The following TLL1 variants were observed in gnomAD, a reference collection of about 807,000 sequenced individuals.
TLL1 encodes tolloid like 1.
A neutral mutation model predicts 128.2 loss-of-function variants in TLL1; 49 were observed. The ratio of observed to expected loss-of-function variants is 0.38; its 90% CI spans 0.30 to 0.48. The LOEUF (loss-of-function observed/expected upper bound fraction) is 0.48, where lower values mean the gene tolerates loss of function less well. TLL1 is among the 20% of genes least tolerant of loss of function. The pLI is 0.96. For synonymous variants in TLL1, 454 were observed against 418.8 expected (o/e 1.08, Z -1.03); for missense variants, 1,123 against 1,242.0 (o/e 0.90, Z 1.44).
intron 3 of TLL1, 103 bp from the exon 4 acceptor site, chr4:165,994,277 CA>C: frequency 2.1e-6 from 3 of 1,402,764 alleles, no homozygotes; most frequent in Non-Finnish European, 2.0e-6. Context: ...GGCATTTATA[CA>C]AAAAATATGT....
chr4:166,010,734 T>C (rs368913530), intron 7 of TLL1, among the ~76,000 whole-genome samples: 16 of 151,380 alleles, frequency 1.1e-4, no homozygotes, highest in Admixed American at 4.6e-4. Context: ...TGCAACACCA[T>C]GAAGCTTTCC....
intron 1 of TLL1, among the ~76,000 whole-genome samples, chr4:165,978,534 T>C (rs1308306700): frequency 6.6e-6 from 1 of 152,126 alleles, no homozygotes. Flanking sequence ...CTACCACCAA[T>C]AATATGATTA....
chr4:166,057,149 G>A, intron 13 of TLL1, 35 bp from the exon 14 acceptor site: 1 of 1,611,244 alleles, frequency 6.2e-7, no homozygotes, highest in Admixed American at 1.7e-5. Context: ...ACATATATAT[G>A]TATAGTTGTT....
At chr4:166,021,711 G>A (rs186861139) in intron 8 of TLL1, among the ~76,000 whole-genome samples, 5 of 152,246 alleles carry the variant, frequency 3.3e-5, no homozygotes, top group East Asian at 1.9e-4. Context: ...GATTACAGGC[G>A]TAAGCCACCG....
chr4:165,987,419 C>T (rs1033415033), intron 1 of TLL1, among the ~76,000 whole-genome samples: 6 of 152,176 alleles, frequency 3.9e-5, no homozygotes, highest in East Asian at 1.9e-4. Context: ...TTTTCTGCTG[C>T]GTCTGTACGA....
At chr4:165,918,878 C>T (rs1207232558) in intron 1 of TLL1, among the ~76,000 whole-genome samples, 2 of 152,076 alleles carry the variant, frequency 1.3e-5, no homozygotes, top group Non-Finnish European at 2.9e-5. Flanking sequence ...AAGACCCTGG[C>T]GTAGCTCCAG....
chr4:165,908,512 G>A (rs2110866858), intron 1 of TLL1, among the ~76,000 whole-genome samples: 1 of 150,786 alleles, frequency 6.6e-6, no homozygotes, highest in East Asian at 2.0e-4. Flanking sequence ...GAGCCTGGAA[G>A]TGAAAGGCTG....
At chr4:165,965,162 A>G (rs1413931831) in intron 1 of TLL1, among the ~76,000 whole-genome samples, 2 of 152,186 alleles carry the variant, frequency 1.3e-5, no homozygotes, top group African/African-American at 4.8e-5. Flanking sequence ...GAATAATTAA[A>G]TTCTAAATAT....
At chr4:166,018,689 A>C (rs1027833797) in intron 8 of TLL1, among the ~76,000 whole-genome samples, 2 of 152,206 alleles carry the variant, frequency 1.3e-5, no homozygotes, top group Admixed American at 1.3e-4. Context: ...ATCAGCCAAC[A>C]AACATATGAA....
At chr4:165,953,263 ATTG>A (rs1057026223) in intron 1 of TLL1, among the ~76,000 whole-genome samples, 1 of 151,934 alleles carries the variant, frequency 6.6e-6, no homozygotes, top group Non-Finnish European at 1.5e-5. Context: ...TTTGGTATTT[ATTG>A]TTGTTGTTCG....
intron 9 of TLL1, chr4:166,031,081 C>T (rs2111078891): frequency 1.2e-6 from 1 of 832,666 alleles, no homozygotes; most frequent in African/African-American, 1.9e-5. Flanking sequence ...AAGAATTACT[C>T]ATAAAATGAA....
chr4:166,038,649 C>T (rs1739105584), intron 9 of TLL1, among the ~76,000 whole-genome samples: 1 of 152,150 alleles, frequency 6.6e-6, no homozygotes, highest in South Asian at 2.1e-4. Context: ...CTAGAATTGT[C>T]TCTTGAGTTA....
At chr4:166,094,052 C>A (rs978955732) in intron 19 of TLL1, among the ~76,000 whole-genome samples, 3 of 152,110 alleles carry the variant, frequency 2.0e-5, no homozygotes, top group Non-Finnish European at 4.4e-5. Flanking sequence ...TACATAGACA[C>A]AGTAATAGTC....
At chr4:166,016,924 C>T (rs1222037397) in intron 8 of TLL1, among the ~76,000 whole-genome samples, 8 of 151,544 alleles carry the variant, frequency 5.3e-5, no homozygotes, top group Admixed American at 5.3e-4. Context: ...TTTCTTCTAT[C>T]TTGGCCTTTT....
intron 1 of TLL1, among the ~76,000 whole-genome samples, chr4:165,950,083 T>C (rs1734436613): frequency 6.6e-6 from 1 of 152,020 alleles, no homozygotes; most frequent in Non-Finnish European, 1.5e-5. Flanking sequence ...GGAAAAAATA[T>C]ACCACACAAA....
At chr4:165,975,980 G>T (rs1735859114) in intron 1 of TLL1, among the ~76,000 whole-genome samples, 1 of 124,560 alleles carries the variant, frequency 8.0e-6, no homozygotes, top group African/African-American at 3.0e-5. Flanking sequence ...AGAGGTTGCA[G>T]TAAGCTCAGA....
intron 4 of TLL1, among the ~76,000 whole-genome samples, 191 bp from the exon 5 acceptor site, chr4:165,994,870 T>C (rs1429559966): frequency 2.6e-5 from 4 of 152,184 alleles, no homozygotes; most frequent in Admixed American, 6.5e-5. Flanking sequence ...TAGTGAGCTT[T>C]AGCCCTCTGA....
chr4:165,963,388 A>G (rs981179656), intron 1 of TLL1, among the ~76,000 whole-genome samples: 25 of 152,198 alleles, frequency 1.6e-4, no homozygotes, highest in African/African-American at 3.9e-4. Flanking sequence ...TTAAGATTCC[A>G]TATTCTTGAA....
chr4:166,060,207 T>C lies in TLL1; in HGVS notation c.2007+19T>C. On this transcript the variant is annotated intron_variant, in intron 15 of 20. Transcript: ENST00000061240. ...CAATGAAGTAAGTGAACAATAACTG[T>C]AATTTTTTAAATCATGTTTTGGAAC... 1.9e-6 allele frequency: 3 copies of C among 1,612,644 alleles called. No individual in the cohort carries two copies. Among genetic ancestry groups the C allele is most frequent in the Non-Finnish European group, 1.7e-6 (2 of 1,179,284 alleles).
Sources: gnomAD v4.1 joint callset for allele counts (sites outside exome capture counted in the v4.1 genomes callset) on GRCh38, gnomAD v4.1.1 for gene constraint, MANE v1.5 for transcripts, NCBI Gene and HGNC (gene_info 2026-07-23, HGNC 2026-07-21) for gene names.